The following HFM1 variants were observed in gnomAD, a reference collection of about 807,000 sequenced individuals.
The protein encoded by HFM1 is helicase for meiosis 1.
A neutral mutation model predicts 192.1 loss-of-function variants in HFM1; 169 were observed. The observed-to-expected ratio is 0.88, with a 90% CI of 0.78 to 1.00. The LOEUF (loss-of-function observed/expected upper bound fraction) is 1.00, where lower values mean the gene tolerates loss of function less well. Ranked by LOEUF, HFM1 falls within the 50% of genes least tolerant of loss-of-function variation. The probability of loss-of-function intolerance (pLI) is 0.00; values close to 1 mark genes in which losing one functional copy is unlikely to be tolerated. For missense variants in HFM1, 1,661 were observed against 1,668.0 expected, an observed-to-expected ratio of 1.00 and a Z score of 0.07; for synonymous variants, 525 against 537.8, an observed-to-expected ratio of 0.98 and a Z score of 0.33.
chr1:91,325,257 T>A (rs1304141680), intron 20 of HFM1, among the ~76,000 whole-genome samples: 1 of 152,170 alleles, frequency 6.6e-6, no homozygotes, highest in East Asian at 1.9e-4. Flanking sequence ...AGGCAGAGAC[T>A]CTTCCAATCC....
At chr1:91,367,562 A>G (rs967758593) in intron 13 of HFM1, among the ~76,000 whole-genome samples, 1 of 152,194 alleles carries the variant, frequency 6.6e-6, no homozygotes, top group African/African-American at 2.4e-5. Flanking sequence ...TAGAAGGAAA[A>G]CTAACAAACA....
intron 20 of HFM1, chr1:91,328,578 C>A: frequency 1.2e-6 from 2 of 1,609,344 alleles, no homozygotes; most frequent in Non-Finnish European, 1.7e-6. Context: ...ACCTGATAGG[C>A]ATGTTCTACC....
intron 15 of HFM1, 100 bp downstream of exon 15, chr1:91,352,951 A>G: frequency 1.4e-6 from 1 of 732,188 alleles, no homozygotes; most frequent in South Asian, 2.0e-5. Flanking sequence ...TCAGAAGAAA[A>G]GCAGAAACAA....
intron 30 of HFM1, among the ~76,000 whole-genome samples, chr1:91,284,177 A>G (rs1291457192): frequency 6.6e-6 from 1 of 151,920 alleles, no homozygotes; most frequent in Non-Finnish European, 1.5e-5. Context: ...TGTACACACA[A>G]TGTGCCTGAG....
chr1:91,346,984 T>C (rs1236992528), intron 19 of HFM1, among the ~76,000 whole-genome samples: 1 of 152,122 alleles, frequency 6.6e-6, no homozygotes, highest in Non-Finnish European at 1.5e-5. Flanking sequence ...TAACCAGTTG[T>C]GGTGGCTCAC....
intron 19 of HFM1, among the ~76,000 whole-genome samples, chr1:91,344,104 G>A (rs1179173671): frequency 6.6e-6 from 1 of 152,164 alleles, no homozygotes; most frequent in Non-Finnish European, 1.5e-5. Flanking sequence ...TTTAACTGAT[G>A]CTTTTAGGTG....
At chr1:91,344,250 C>G (rs938229103) in intron 19 of HFM1, among the ~76,000 whole-genome samples, 1 of 152,096 alleles carries the variant, frequency 6.6e-6, no homozygotes, top group Non-Finnish European at 1.5e-5. Context: ...TAAGATAGTT[C>G]AGAGCAGACA....
intron 30 of HFM1, among the ~76,000 whole-genome samples, chr1:91,311,478 T>C (rs930241420): frequency 3.3e-5 from 5 of 151,876 alleles, no homozygotes; most frequent in African/African-American, 1.2e-4. Context: ...ATACAAAAAT[T>C]AGCCGGGCAT....
intron 28 of HFM1, among the ~76,000 whole-genome samples, chr1:91,315,180 G>A (rs1214781063): frequency 1.3e-5 from 2 of 152,152 alleles, no homozygotes; most frequent in African/African-American, 2.4e-5. Flanking sequence ...AATACGGACA[G>A]CACCTGTCTC....
chr1:91,261,271 TA>T lies in HFM1; in HGVS notation c.*18del. On this transcript the variant is annotated 3_prime_UTR_variant, in exon 39 of 39. Transcript: ENST00000370425. ...GTCTTTATTCTTTCTCTTATCAATA[TA>T]AAAAGTATTTGTTTGTTTTAGAAAA... The T allele has an allele frequency of 9.3e-7, 1 of 1,074,038 alleles. No homozygotes were observed. The highest frequency in any genetic ancestry group is 1.3e-6 in the Non-Finnish European group (1 of 789,428). 66.5% of individuals were successfully genotyped at this position (1,074,038 alleles called of 1,614,324 possible).
intron 30 of HFM1, among the ~76,000 whole-genome samples, chr1:91,292,713 A>C (rs1370342930): frequency 1.3e-5 from 2 of 152,138 alleles, no homozygotes; most frequent in Non-Finnish European, 2.9e-5. Flanking sequence ...TTTAAAGTTC[A>C]TATGGAACAA....
intron 4 of HFM1, among the ~76,000 whole-genome samples, chr1:91,386,740 C>A (rs1159090026): frequency 6.6e-6 from 1 of 152,064 alleles, no homozygotes; most frequent in Non-Finnish European, 1.5e-5. Context: ...ATTCAAGTTA[C>A]TGAATTATAT....
At position 91,394,374 on chromosome 1, in the gene HFM1, T is replaced by A; in HGVS notation, c.213A>T (p.Thr71=). The A allele has an allele frequency of 6.5e-7, 1 of 1,549,580 alleles. No individual in the cohort carries two copies. The highest frequency in any genetic ancestry group is 1.2e-5 in the South Asian group (1 of 86,170). ...LGQEKRPKML[T]SNLKITNEDT... is the part of the protein sequence containing the mutation. Reference sequence around the variant, plus strand: ...CTTCATTAGTTATCTTTAAATTTGATGTTAACATTTTTGGCCTCTTTTCCT... The same window carrying A: ...CTTCATTAGTTATCTTTAAATTTGAAGTTAACATTTTTGGCCTCTTTTCCT... The change falls in exon 4 of 39, where the codon ACA becomes ACT. Residue 71 remains threonine (T), a synonymous_variant. Transcript: ENST00000370425.
chr1:91,368,450 C>G (rs1474245027), intron 13 of HFM1, among the ~76,000 whole-genome samples: 3 of 152,162 alleles, frequency 2.0e-5, no homozygotes, highest in Non-Finnish European at 4.4e-5. Flanking sequence ...ATTCAACATT[C>G]TTAAAGAAAC....
At chr1:91,343,322 C>A in intron 20 of HFM1, 108 bp downstream of exon 20, 3 of 462,602 alleles carry the variant, frequency 6.5e-6, no homozygotes, top group East Asian at 4.8e-5. Flanking sequence ...CTGTTGAGAA[C>A]TGAGATCACA....
intron 20 of HFM1, among the ~76,000 whole-genome samples, chr1:91,342,528 C>G (rs903409060): frequency 2.6e-5 from 4 of 152,108 alleles, no homozygotes; most frequent in African/African-American, 9.7e-5. Context: ...AGTTCATATC[C>G]CCTTTGTCCT....
chr1:91,268,677 T>C (rs1182927711), intron 34 of HFM1, among the ~76,000 whole-genome samples: 1 of 152,056 alleles, frequency 6.6e-6, no homozygotes, highest in African/African-American at 2.4e-5. Context: ...GTAAAGGCTA[T>C]ACAGCACACG....
intron 30 of HFM1, among the ~76,000 whole-genome samples, chr1:91,287,131 G>A (rs964525549): frequency 4.6e-5 from 7 of 152,322 alleles, no homozygotes; most frequent in East Asian, 3.9e-4. Context: ...CAAAGCAGCC[G>A]GGAAGCTCGA....
chr1:91,301,249 G>T (rs1413660212), intron 30 of HFM1, among the ~76,000 whole-genome samples: 1 of 150,714 alleles, frequency 6.6e-6, no homozygotes, highest in African/African-American at 2.4e-5. Flanking sequence ...CCTCTTCAAG[G>T]AGAACTACAA....
Sources: allele counts gnomAD v4.1 joint callset (sites outside exome capture counted in the v4.1 genomes callset), GRCh38; gene constraint gnomAD v4.1.1; transcripts MANE v1.5; gene names NCBI Gene and HGNC (gene_info 2026-07-23, HGNC 2026-07-21).